Variants in DLGAP1 observed in about 807,000 individuals in gnomAD.
DLGAP1 encodes the protein disks large-associated protein 1.
In DLGAP1, 11 loss-of-function variants were observed where a neutral mutation model predicts 90.8. The observed-to-expected ratio is 0.12, with a 90% CI of 0.08 to 0.20. DLGAP1 has a LOEUF of 0.20. DLGAP1 is among the 10% of genes least tolerant of loss of function. The pLI, the probability that DLGAP1 is intolerant of heterozygous loss-of-function variation, is 1.00. For missense variants in DLGAP1, 1,050 were observed against 1,333.8 expected (o/e 0.79, Z 3.31); for synonymous variants, 558 against 540.7 (o/e 1.03, Z -0.44).
chr18:3,741,058 TCACCACCACCAC>T (rs1430015496), intron 6 of DLGAP1, among the ~76,000 whole-genome samples: 1 of 25,896 alleles, frequency 3.9e-5, no homozygotes, highest in Non-Finnish European at 6.9e-5. Flanking sequence ...ACCACCACCA[TCACCACCACCAC>T]CACCACCACC....
chr18:3,790,812 A>G (rs2148222367), intron 5 of DLGAP1, among the ~76,000 whole-genome samples: 1 of 152,272 alleles, frequency 6.6e-6, no homozygotes, highest in South Asian at 2.1e-4. Context: ...TTTCCTTTGC[A>G]GGAGTCATTG....
intron 9 of DLGAP1, among the ~76,000 whole-genome samples, chr18:3,552,039 C>T (rs1486731617): frequency 6.6e-6 from 1 of 151,182 alleles, no homozygotes; most frequent in African/African-American, 2.4e-5. Context: ...AACTCCTGGG[C>T]CCAAGCAGTC....
intron 1 of DLGAP1, among the ~76,000 whole-genome samples, chr18:4,387,973 A>T (rs964648865): frequency 6.0e-5 from 9 of 149,984 alleles, no homozygotes; most frequent in African/African-American, 1.7e-4. Flanking sequence ...ACACACACAC[A>T]CTCAAAAGGC....
rs1450838850 is a variant in DLGAP1 at position 3,499,105 on chromosome 18, G to A, written c.*80C>T. On this transcript the variant is annotated 3_prime_UTR_variant, in exon 13 of 13. Coordinates refer to ENST00000315677, the MANE Select transcript of DLGAP1 (RefSeq NM_004746.4). This position sits in a 1 kb window ranked among gnomAD's most constrained non-coding sequence, Gnocchi z 6.4. ...GAGCTCGGGAGCGGACGGGCTCGGAGGGGGAGAGGCAGCCGGCAGAGGAGC... is the reference window on the plus strand; with the variant it reads ...GAGCTCGGGAGCGGACGGGCTCGGAAGGGGAGAGGCAGCCGGCAGAGGAGC... 1.2e-5 allele frequency: 16 copies of A among 1,312,410 alleles called. No individual in the cohort carries two copies. Among genetic ancestry groups the A allele is most frequent in the Non-Finnish European group, 1.4e-5 (14 of 990,172 alleles). 81.3% of individuals were successfully genotyped at this position (1,312,410 alleles called of 1,614,324 possible).
intron 7 of DLGAP1, among the ~76,000 whole-genome samples, chr18:3,629,676 A>G (rs1279567075): frequency 1.3e-5 from 2 of 151,722 alleles, no homozygotes; most frequent in African/African-American, 4.9e-5. Context: ...TGTCTCAAAA[A>G]ATAAATAAAT....
chr18:3,557,042 C>CTGT (rs750978914), intron 9 of DLGAP1, among the ~76,000 whole-genome samples: 5 of 151,994 alleles, frequency 3.3e-5, no homozygotes, highest in Non-Finnish European at 7.4e-5. Context: ...TTCATGATTT[C>CTGT]TGTTATAATT....
chr18:4,162,287 A>G (rs2076860145), intron 1 of DLGAP1, among the ~76,000 whole-genome samples: 1 of 152,196 alleles, frequency 6.6e-6, no homozygotes, highest in African/African-American at 2.4e-5. Flanking sequence ...CATTGAAAGG[A>G]TTATTGGTAT....
At chr18:3,723,896 T>A (rs1244011871) in intron 7 of DLGAP1, among the ~76,000 whole-genome samples, 1 of 152,144 alleles carries the variant, frequency 6.6e-6, no homozygotes, top group Non-Finnish European at 1.5e-5. Flanking sequence ...GGTCCCAAGC[T>A]ACATCCAAGA....
intron 7 of DLGAP1, among the ~76,000 whole-genome samples, chr18:3,700,163 C>A (rs1409582384): frequency 6.6e-6 from 1 of 152,162 alleles, no homozygotes; most frequent in Non-Finnish European, 1.5e-5. Flanking sequence ...CCAGGCACCA[C>A]TGGGGTATGA....
intron 4 of DLGAP1, among the ~76,000 whole-genome samples, chr18:3,875,905 G>A (rs2070988777): frequency 6.6e-6 from 1 of 151,924 alleles, no homozygotes; most frequent in East Asian, 1.9e-4. Context: ...CAGCAAATAA[G>A]GACTAGAACG....
chr18:3,680,378 G>A (rs1024839349), intron 7 of DLGAP1, among the ~76,000 whole-genome samples: 2 of 152,210 alleles, frequency 1.3e-5, no homozygotes, highest in Non-Finnish European at 1.5e-5. Context: ...CAGAAGGAAG[G>A]GGTACAGGTG....
At position 3,581,942 on chromosome 18, in the gene DLGAP1, G is replaced by C. The variant is rs61739668; in HGVS notation, c.1898C>G (p.Thr633Ser). The change falls in exon 8 of 13, where the codon ACC becomes AGC. Residue 633 changes from threonine (T) to serine (S), a missense_variant. Physicochemically the swap from Thr to Ser is moderately conservative, Grantham distance 58. Transcript: ENST00000315677. ...CTTCTTCCTGTCCTCCGTGGTGACG[G>C]TGGCTATGGTAGTCGTGGTGGTGAC... ...ATVTTTTTIA[T>S]VTTEDRKKDH... The C allele has an allele frequency of 6.2e-7, 1 of 1,614,114 alleles. No individual in the cohort carries two copies. Among genetic ancestry groups the C allele is most frequent in the Non-Finnish European group, 8.5e-7 (1 of 1,180,020 alleles).
At chr18:3,719,996 T>C (rs1339830368) in intron 7 of DLGAP1, among the ~76,000 whole-genome samples, 3 of 152,212 alleles carry the variant, frequency 2.0e-5, no homozygotes, top group Non-Finnish European at 2.9e-5. Flanking sequence ...GGCAGTCTTA[T>C]CCAGAAATTC....
intron 1 of DLGAP1, among the ~76,000 whole-genome samples, chr18:4,263,942 G>T (rs1048325891): frequency 5.3e-5 from 8 of 152,206 alleles, no homozygotes; most frequent in Admixed American, 5.2e-4. Context: ...CAACTATTAT[G>T]ATAACGAAAG....
chr18:4,008,500 A>AT (rs1041275247), intron 2 of DLGAP1, among the ~76,000 whole-genome samples: 12 of 152,036 alleles, frequency 7.9e-5, no homozygotes, highest in Non-Finnish European at 1.2e-4. Context: ...TCAGGCTACA[A>AT]TTTTTTTTAA....
intron 7 of DLGAP1, among the ~76,000 whole-genome samples, chr18:3,717,282 G>C (rs565081064): frequency 6.6e-6 from 1 of 152,140 alleles, no homozygotes; most frequent in Non-Finnish European, 1.5e-5. Context: ...TATAGACAGA[G>C]ATTTGAGACC....
chr18:3,649,142 A>G (rs2059213066), intron 7 of DLGAP1, among the ~76,000 whole-genome samples: 1 of 152,250 alleles, frequency 6.6e-6, no homozygotes, highest in African/African-American at 2.4e-5. Context: ...CTGTGCCAGT[A>G]TAAACTCTTT....
At chr18:4,300,207 A>T (rs1310434041) in intron 1 of DLGAP1, among the ~76,000 whole-genome samples, 5 of 152,126 alleles carry the variant, frequency 3.3e-5, no homozygotes, top group Non-Finnish European at 7.4e-5. Context: ...TAAACTTATT[A>T]TTTACCTTAT....
At chr18:3,944,511 A>T (rs1026967111) in intron 3 of DLGAP1, among the ~76,000 whole-genome samples, 2 of 152,072 alleles carry the variant, frequency 1.3e-5, no homozygotes, top group Non-Finnish European at 2.9e-5. Context: ...TAAAAAAAAA[A>T]AGTGCAAGGT....
Sources: allele counts gnomAD v4.1 joint callset (sites outside exome capture counted in the v4.1 genomes callset), GRCh38; gene constraint gnomAD v4.1.1; non-coding constraint Gnocchi (gnomAD v3.1); transcripts MANE v1.5; gene names NCBI Gene and HGNC (gene_info 2026-07-23, HGNC 2026-07-21).